The following INSL6 variants were observed in gnomAD, a reference collection of about 807,000 sequenced individuals.
INSL6 encodes insulin-like peptide INSL6.
A neutral mutation model predicts 9.4 loss-of-function variants in INSL6; 16 were observed. The observed-to-expected ratio is 1.70, with a 90% CI of 1.15 to 2.59. The LOEUF is 2.59. INSL6 is among the 30% of genes most tolerant of loss of function. INSL6 has a pLI of 0.00. For missense variants in INSL6, 391 were observed against 257.3 expected (o/e 1.52, Z -3.56); for synonymous variants, 154 against 96.9 (o/e 1.59, Z -3.46).
At chr9:5,174,491 C>G (rs1825254293) in intron 1 of INSL6, among the ~76,000 whole-genome samples, 1 of 152,172 alleles carries the variant, frequency 6.6e-6, no homozygotes, top group African/African-American at 2.4e-5. Flanking sequence ...CACGATATCA[C>G]ACTCTCTTTT....
At chr9:5,146,738 T>A (rs1414818062) in intron 2 of INSL6, among the ~76,000 whole-genome samples, 1 of 152,182 alleles carries the variant, frequency 6.6e-6, no homozygotes, top group Non-Finnish European at 1.5e-5. Context: ...TATGCAGACA[T>A]GTGCCAGCAA....
At chr9:5,081,805 C>T in the INSL6 span, 19 of 1,612,610 alleles carry the variant, frequency 1.2e-5, no homozygotes, top group Middle Eastern at 1.6e-4. Flanking sequence ...CTTTGAAGAC[C>T]GGGATCCTAC....
intron 1 of INSL6, among the ~76,000 whole-genome samples, chr9:5,166,223 TG>T (rs1323798454): frequency 2.0e-5 from 3 of 152,202 alleles, no homozygotes; most frequent in Non-Finnish European, 2.9e-5. Flanking sequence ...GTTTTTGTTT[TG>T]TTTTTTTAAG....
chr9:5,033,967 C>T, the INSL6 span, among the ~76,000 whole-genome samples: 327 of 152,198 alleles, frequency 2.1e-3, 1 homozygote, highest in East Asian at 0.013. Flanking sequence ...AGAGTCAAGA[C>T]CCATCAGTGT....
chr9:5,133,764 T>C (rs1824335977), intron 2 of INSL6, among the ~76,000 whole-genome samples: 1 of 151,884 alleles, frequency 6.6e-6, no homozygotes, highest in Non-Finnish European at 1.5e-5. Flanking sequence ...GGGTGAAAAT[T>C]CCAAATGCCA....
chr9:5,120,216 G>A (rs934451743), downstream of INSL6, among the ~76,000 whole-genome samples: 1 of 152,158 alleles, frequency 6.6e-6, no homozygotes, highest in African/African-American at 2.4e-5. Context: ...GGGCGAGAGG[G>A]GCCAAATGCT....
At chr9:4,996,077 G>C in the INSL6 span, among the ~76,000 whole-genome samples, 1 of 152,206 alleles carries the variant, frequency 6.6e-6, no homozygotes, top group Non-Finnish European at 1.5e-5. Flanking sequence ...TTAAGGATAA[G>C]TTCATTTAAC....
the INSL6 span, chr9:5,114,305 C>G: frequency 1.8e-6 from 1 of 542,528 alleles, no homozygotes; most frequent in Admixed American, 2.2e-5. Flanking sequence ...TGACTTGGTC[C>G]CAGGCCAGTG....
the INSL6 span, among the ~76,000 whole-genome samples, chr9:5,101,339 G>A: frequency 6.0e-3 from 912 of 152,324 alleles, 14 homozygotes; most frequent in African/African-American, 0.021. Flanking sequence ...AGGGGCGTCC[G>A]CCATTGCTGA....
intron 3 of INSL6, among the ~76,000 whole-genome samples, chr9:5,132,357 G>A (rs1206070870): frequency 1.3e-5 from 2 of 152,054 alleles, no homozygotes; most frequent in Non-Finnish European, 2.9e-5. Flanking sequence ...CATTTAATGG[G>A]AATTTTTTTC....
intron 1 of INSL6, among the ~76,000 whole-genome samples, chr9:5,169,893 T>G (rs1373206603): frequency 6.6e-6 from 1 of 152,190 alleles, no homozygotes; most frequent in Non-Finnish European, 1.5e-5. Context: ...ACGAAGAGAC[T>G]TAAGACTCCC....
At chr9:5,064,772 T>C in the INSL6 span, 179 of 713,122 alleles carry the variant, frequency 2.5e-4, no homozygotes, top group South Asian at 3.7e-3. Flanking sequence ...ATAAAAGATA[T>C]GAGCAATTTA....
the INSL6 span, chr9:5,041,282 T>A: frequency 1.9e-6 from 2 of 1,055,532 alleles, no homozygotes; most frequent in African/African-American, 1.6e-5. Context: ...GGCCAAGGGG[T>A]ACACTGGTCT....
At chr9:5,001,753 A>AT in the INSL6 span, among the ~76,000 whole-genome samples, 1 of 151,428 alleles carries the variant, frequency 6.6e-6, no homozygotes, top group Non-Finnish European at 1.5e-5. Flanking sequence ...AATTGGTACT[A>AT]TTTTTTCCTT....
chr9:5,032,470 G>A, the INSL6 span, among the ~76,000 whole-genome samples: 4 of 152,352 alleles, frequency 2.6e-5, no homozygotes, highest in East Asian at 1.9e-4. Flanking sequence ...CCTGAACCCC[G>A]AGTAGCCTAA....
At chr9:5,039,062 G>A in the INSL6 span, among the ~76,000 whole-genome samples, 1 of 152,144 alleles carries the variant, frequency 6.6e-6, no homozygotes, top group African/African-American at 2.4e-5. Context: ...ACTTATTAGT[G>A]AAAGACTGAA....
At chr9:5,087,922 C>T in the INSL6 span, among the ~76,000 whole-genome samples, 2 of 151,992 alleles carry the variant, frequency 1.3e-5, no homozygotes, top group South Asian at 2.1e-4. Flanking sequence ...TTAGTGCATT[C>T]GTGTGACAAT....
chr9:5,021,396 G>A, the INSL6 span, among the ~76,000 whole-genome samples: 2 of 152,098 alleles, frequency 1.3e-5, no homozygotes, highest in East Asian at 1.9e-4. Flanking sequence ...ATGCTTGTTT[G>A]TTCATGTTAG....
At chr9:5,109,806 C>G in the INSL6 span, 1 of 152,166 alleles carries the variant, frequency 6.6e-6, no homozygotes, top group Admixed American at 6.5e-5. Context: ...AACTCAGACC[C>G]TAACATTAAT....
Sources: allele counts gnomAD v4.1 joint callset (sites outside exome capture counted in the v4.1 genomes callset), GRCh38; gene constraint gnomAD v4.1.1; transcripts MANE v1.5; gene names NCBI Gene and HGNC (gene_info 2026-07-23, HGNC 2026-07-21).